TENM2: variants seen among roughly 807,000 people sequenced by gnomAD.
The protein encoded by TENM2 is teneurin transmembrane protein 2, also known as teneurin-2.
A neutral mutation model predicts 245.2 loss-of-function variants in TENM2; 52 were observed. The observed-to-expected ratio is 0.21, with a 90% confidence interval of 0.17 to 0.27. The LOEUF is 0.27. Ranked by LOEUF, TENM2 falls within the 10% of genes least tolerant of loss-of-function variation. The probability of loss-of-function intolerance (pLI) is 1.00; values close to 1 mark genes in which losing one functional copy is unlikely to be tolerated. For synonymous variants in TENM2, 1,363 were observed against 1,438.9 expected (o/e 0.95, Z 1.19); for missense variants, 3,046 against 3,666.8 (o/e 0.83, Z 4.37).
intron 7 of TENM2, among the ~76,000 whole-genome samples, chr5:168,067,032 A>G (rs1790566811): frequency 6.6e-6 from 1 of 152,206 alleles, no homozygotes; most frequent in African/African-American, 2.4e-5. Flanking sequence ...GAACAAGTCA[A>G]TAATTGGCAG....
At chr5:167,996,889 C>T (rs1562030475) in intron 5 of TENM2, among the ~76,000 whole-genome samples, 1 of 151,992 alleles carries the variant, frequency 6.6e-6, no homozygotes, top group Non-Finnish European at 1.5e-5. Flanking sequence ...CAGACCTGCA[C>T]CACCACACCC....
chr5:167,989,292 GAGAGAGAGAT>G (rs1238366315), intron 4 of TENM2, among the ~76,000 whole-genome samples: 12 of 150,284 alleles, frequency 8.0e-5, no homozygotes, highest in Admixed American at 3.3e-4. Context: ...GAGAGAGAGA[GAGAGAGAGAT>G]AGATAGATTT....
At chr5:167,838,284 C>A (rs781274927) in intron 2 of TENM2, among the ~76,000 whole-genome samples, 2 of 152,120 alleles carry the variant, frequency 1.3e-5, no homozygotes, top group African/African-American at 4.8e-5. Context: ...ATGTTCCAGC[C>A]GAGATATTTA....
At chr5:167,819,501 A>G (rs1235937223) in intron 2 of TENM2, among the ~76,000 whole-genome samples, 15 of 152,136 alleles carry the variant, frequency 9.9e-5, no homozygotes, top group Admixed American at 9.2e-4. Flanking sequence ...GGTCCTGCCA[A>G]AGGTTGTTTC....
At chr5:167,551,430 T>G (rs1055044901) in intron 2 of TENM2, among the ~76,000 whole-genome samples, 2 of 152,176 alleles carry the variant, frequency 1.3e-5, no homozygotes, top group African/African-American at 4.8e-5. Context: ...TATCTATCTA[T>G]CCATTCATCC....
At chr5:167,967,846 C>T (rs1781493789) in intron 4 of TENM2, among the ~76,000 whole-genome samples, 1 of 152,182 alleles carries the variant, frequency 6.6e-6, no homozygotes, top group Non-Finnish European at 1.5e-5. Flanking sequence ...CTGTCATTCC[C>T]TTGAGGCACT....
At chr5:167,723,124 G>T (rs965834960) in intron 2 of TENM2, among the ~76,000 whole-genome samples, 1 of 143,386 alleles carries the variant, frequency 7.0e-6, no homozygotes, top group African/African-American at 3.0e-5. Flanking sequence ...CTATTTTTTA[G>T]TCTGTGCCTG....
exon 10 of TENM2, chr5:168,118,297 T>G (rs766332073): frequency 6.4e-7 from 1 of 1,565,262 alleles, no homozygotes; most frequent in East Asian, 2.3e-5. Context: ...TGCAGCTGCC[T>G]GCCCTGTCCT....
chr5:167,383,747 A>C (rs1324937778), intron 2 of TENM2, among the ~76,000 whole-genome samples: 4 of 151,452 alleles, frequency 2.6e-5, no homozygotes, highest in Admixed American at 6.6e-5. Context: ...AAAAAAAAAA[A>C]AAACTTCCGT....
chr5:168,039,991 G>A (rs546852784), intron 5 of TENM2, among the ~76,000 whole-genome samples: 20 of 152,064 alleles, frequency 1.3e-4, no homozygotes, highest in Admixed American at 3.9e-4. Context: ...GATTAATCTC[G>A]TACCACCTCC....
intron 2 of TENM2, among the ~76,000 whole-genome samples, chr5:167,739,856 T>C (rs142857340): frequency 1.3e-3 from 193 of 152,296 alleles, no homozygotes; most frequent in African/African-American, 4.4e-3. Context: ...AATATACACA[T>C]GGAATTTCCT....
chr5:167,185,527 T>G, the TENM2 span, among the ~76,000 whole-genome samples: 1 of 152,164 alleles, frequency 6.6e-6, no homozygotes, highest in Non-Finnish European at 1.5e-5. Context: ...CAACATATAT[T>G]TGAATATTTG....
chr5:167,692,872 C>T (rs1471861918), intron 2 of TENM2, among the ~76,000 whole-genome samples: 1 of 152,198 alleles, frequency 6.6e-6, no homozygotes, highest in Non-Finnish European at 1.5e-5. Context: ...TGCATATGCA[C>T]TCATGCTGGG....
the TENM2 span, among the ~76,000 whole-genome samples, chr5:167,232,523 C>T: frequency 2.0e-5 from 3 of 152,058 alleles, no homozygotes; most frequent in Admixed American, 2.0e-4. Flanking sequence ...CAGGCCCCTG[C>T]CACTGCTGCT....
chr5:167,583,725 G>C (rs1281947437), intron 2 of TENM2, among the ~76,000 whole-genome samples: 1 of 152,168 alleles, frequency 6.6e-6, no homozygotes, highest in Admixed American at 6.5e-5. Flanking sequence ...GGGGTTCACA[G>C]TGTTAACTGG....
chr5:167,059,849 G>A, the TENM2 span, among the ~76,000 whole-genome samples: 3 of 151,938 alleles, frequency 2.0e-5, no homozygotes, highest in South Asian at 4.2e-4. Flanking sequence ...GATTACAGGT[G>A]GCTGCCACCA....
chr5:168,164,269 T>A (rs902595417), intron 13 of TENM2, among the ~76,000 whole-genome samples: 3 of 152,246 alleles, frequency 2.0e-5, no homozygotes, highest in Non-Finnish European at 2.9e-5. Flanking sequence ...TTTTTGGTTT[T>A]AAGAGTTTTT....
chr5:167,926,665 G>C (rs1777786079), intron 3 of TENM2, among the ~76,000 whole-genome samples: 3 of 151,818 alleles, frequency 2.0e-5, no homozygotes, highest in African/African-American at 7.3e-5. Flanking sequence ...AGGTTGCAGT[G>C]AGCTGAGATC....
intron 2 of TENM2, among the ~76,000 whole-genome samples, chr5:167,705,500 ATTGTCTACCT>A: frequency 6.6e-6 from 1 of 152,214 alleles, no homozygotes; most frequent in Non-Finnish European, 1.5e-5. Context: ...CTCCTTACCA[ATTGTCTACCT>A]TTGCTATCTA....
Sources: allele counts gnomAD v4.1 joint callset (sites outside exome capture counted in the v4.1 genomes callset), GRCh38; gene constraint gnomAD v4.1.1; transcripts MANE v1.5; gene names NCBI Gene and HGNC (gene_info 2026-07-23, HGNC 2026-07-21).